POLA1: variants seen among roughly 807,000 people sequenced by gnomAD.
The protein encoded by POLA1 is DNA polymerase alpha catalytic subunit.
Under a neutral mutation model 124.0 loss-of-function variants are expected in POLA1, and 15 were observed. The observed-to-expected ratio is 0.12, with a 90% CI of 0.08 to 0.19. POLA1 has a LOEUF of 0.19. Ranked by LOEUF, POLA1 falls within the 10% of genes least tolerant of loss-of-function variation. The pLI is 1.00. For missense variants in POLA1, 886 were observed against 1,103.4 expected (o/e 0.80, Z 2.79); for synonymous variants, 408 against 389.4 (o/e 1.05, Z -0.56).
At chrX:24,840,894 A>G (rs1157106832) in intron 32 of POLA1, among the ~76,000 whole-genome samples, 1 of 112,019 alleles carries the variant, frequency 8.9e-6, no homozygotes, top group Non-Finnish European at 1.9e-5. Context: ...ACCAAGGGTA[A>G]ATTAAATTGG....
At chrX:24,740,237 GT>G (rs1931548476) in intron 20 of POLA1, among the ~76,000 whole-genome samples, 1 of 111,659 alleles carries the variant, frequency 9.0e-6, no homozygotes, top group East Asian at 2.8e-4. Context: ...AACTTCCAGA[GT>G]CTTACTTAGC....
chrX:24,986,076 G>A (rs756493462), intron 36 of POLA1, among the ~76,000 whole-genome samples: 3 of 111,788 alleles, frequency 2.7e-5, no homozygotes, highest in African/African-American at 9.7e-5. Flanking sequence ...GGAGGCTGAG[G>A]CAGGAGAATC....
intron 32 of POLA1, among the ~76,000 whole-genome samples, chrX:24,829,250 G>C (rs1373596956): frequency 1.8e-5 from 2 of 111,712 alleles, no homozygotes; most frequent in African/African-American, 6.5e-5. Context: ...AAGTCAAGCT[G>C]ATGGGAGGGA....
At chrX:24,900,827 C>T (rs768721171) in intron 35 of POLA1, among the ~76,000 whole-genome samples, 2 of 111,484 alleles carry the variant, frequency 1.8e-5, no homozygotes, top group Non-Finnish European at 3.8e-5. Flanking sequence ...TAGGGCAGCA[C>T]TCTTTAAATA....
At chrX:24,923,320 G>T (rs1054112382) in intron 35 of POLA1, among the ~76,000 whole-genome samples, 1 of 111,109 alleles carries the variant, frequency 9.0e-6, no homozygotes, top group East Asian at 2.8e-4. Context: ...TTCACTTTAG[G>T]TTTTGTTTAA....
chrX:24,888,275 T>G (rs1262521619), intron 35 of POLA1, among the ~76,000 whole-genome samples, 153 bp downstream of exon 35: 2 of 112,477 alleles, frequency 1.8e-5, no homozygotes, highest in Admixed American at 9.4e-5. Flanking sequence ...TTCAGAAAGA[T>G]ACATGCTTTC....
At chrX:24,907,920 T>A (rs1170510969) in intron 35 of POLA1, among the ~76,000 whole-genome samples, 1 of 112,280 alleles carries the variant, frequency 8.9e-6, no homozygotes, top group Non-Finnish European at 1.9e-5. Context: ...TAGAGACAAC[T>A]ACAGCATAAA....
At chrX:24,704,353 G>A (rs377394548) in intron 3 of POLA1, 36 bp from the exon 4 acceptor site, 72 of 1,036,132 alleles carry the variant, frequency 6.9e-5, no homozygotes, top group Non-Finnish European at 9.5e-5. Context: ...GCCACTTTTA[G>A]AAATTTGATC....
intron 34 of POLA1, among the ~76,000 whole-genome samples, chrX:24,887,456 ATTATAT>A (rs1360108316): frequency 4.4e-5 from 5 of 112,648 alleles, no homozygotes; most frequent in South Asian, 7.3e-4. Context: ...GAAATAATTG[ATTATAT>A]TTATTAAGTG....
At chrX:24,871,004 G>A (rs1406680412) in intron 34 of POLA1, among the ~76,000 whole-genome samples, 1 of 111,817 alleles carries the variant, frequency 8.9e-6, no homozygotes, top group African/African-American at 3.2e-5. Context: ...AGCAACCAAA[G>A]TATTCAGAGG....
chrX:24,926,376 T>C (rs1256646112), intron 35 of POLA1, among the ~76,000 whole-genome samples: 1 of 111,592 alleles, frequency 9.0e-6, no homozygotes, highest in Non-Finnish European at 1.9e-5. Flanking sequence ...TGTTTCTTGC[T>C]CTGCGTACTG....
At chrX:24,867,926 G>GA (rs2046815177) in intron 34 of POLA1, among the ~76,000 whole-genome samples, 1 of 111,870 alleles carries the variant, frequency 8.9e-6, no homozygotes, top group Admixed American at 9.4e-5. Context: ...TGAGAATGAT[G>GA]ATACCTTGTT....
chrX:24,866,590 G>A lies in POLA1; in HGVS notation c.4048-21416G>A, dbSNP rs192262491. On this transcript the variant is annotated intron_variant, in intron 34 of 36. Transcript: ENST00000379068. Reference sequence around the variant, plus strand: ...CTGAGCCTATAGGACCTCCTGCAGTGCTTATTAATCCTTTGTGGATCATTT... The same window carrying A: ...CTGAGCCTATAGGACCTCCTGCAGTACTTATTAATCCTTTGTGGATCATTT... Among the ~76,000 whole-genome samples, 49 of 111,864 alleles carry A rather than the reference G, an allele frequency of 4.4e-4. 1 individual carries two copies. The highest frequency in any genetic ancestry group is 1.6e-3 in the African/African-American group (48 of 30,915).
chrX:24,725,229 C>G lies in POLA1; in HGVS notation c.1318-752C>G, dbSNP rs1930465258. On this transcript the variant is annotated intron_variant, in intron 12 of 36. Transcript: ENST00000379068. ...TTTTTTTTTGAGATGGAGTCTTGCT[C>G]TGTTGTCCAGGTTGGAGTGCAGTGG... Among the ~76,000 whole-genome samples, 3 of 90,478 alleles carry G rather than the reference C, an allele frequency of 3.3e-5. No individual in the cohort carries two copies. The South Asian group carries it at 1.9e-3, about 58-fold the overall frequency. 78.6% of individuals were successfully genotyped at this position (90,478 alleles called of 115,157 possible). A position where few individuals can be genotyped will look rare whatever the true frequency, so the allele number is the denominator to read the frequency against.
chrX:24,912,079 A>G (rs1438630612), intron 35 of POLA1, among the ~76,000 whole-genome samples: 1 of 112,436 alleles, frequency 8.9e-6, no homozygotes, highest in South Asian at 3.7e-4. Context: ...AAGTGTGGCC[A>G]TTTTATTTTT....
chrX:24,748,203 A>G, intron 24 of POLA1, 108 bp from the exon 25 acceptor site: 1 of 539,292 alleles, frequency 1.9e-6, no homozygotes, highest in Non-Finnish European at 3.0e-6. Flanking sequence ...TGTATAAGAT[A>G]ATAGCTTTTC....
At chrX:24,748,157 C>G (rs922711451) in intron 24 of POLA1, among the ~76,000 whole-genome samples, 154 bp from the exon 25 acceptor site, 1 of 112,629 alleles carries the variant, frequency 8.9e-6, no homozygotes. Context: ...ACAACCCTCT[C>G]AGCTCTTTCT....
intron 35 of POLA1, among the ~76,000 whole-genome samples, chrX:24,927,462 CTG>C (rs1377563288): frequency 1.8e-5 from 2 of 111,776 alleles, no homozygotes; most frequent in Admixed American, 9.5e-5. Flanking sequence ...TTCCTTACCC[CTG>C]TGTGTATATG....
Position 24,716,404 on chromosome X carries a change from A to G in POLA1, c.568A>G (p.Lys190Glu), listed in dbSNP as rs779545243. The change falls in exon 7 of 37, where the codon AAA becomes GAA. Residue 190 changes from lysine to glutamate, a missense_variant. By Grantham distance (56) the Lys-to-Glu change is moderately conservative (BLOSUM62 1). Transcript: ENST00000379068. ...TPPPVMILKK[K>E]RSIGASPNPF... ...ACCACCTGTAATGATACTGAAGAAGAAAAGATCCATTGGAGCTTCACCGAA... is the reference window on the plus strand; with the variant it reads ...ACCACCTGTAATGATACTGAAGAAGGAAAGATCCATTGGAGCTTCACCGAA... The G allele has an allele frequency of 1.7e-5, 20 of 1,189,648 alleles. No homozygotes were observed. The highest frequency in any genetic ancestry group is 2.3e-5 in the Non-Finnish European group (20 of 876,552).
Sources: allele counts gnomAD v4.1 joint callset (sites outside exome capture counted in the v4.1 genomes callset), GRCh38; gene constraint gnomAD v4.1.1; transcripts MANE v1.5; gene names NCBI Gene and HGNC (gene_info 2026-07-23, HGNC 2026-07-21).